PRKCB: variants seen among roughly 807,000 people sequenced by gnomAD.
The protein encoded by PRKCB is protein kinase C beta.
Under a neutral mutation model 81.5 loss-of-function variants are expected in PRKCB, and 13 were observed. The ratio of observed to expected loss-of-function variants is 0.16; its 90% CI spans 0.10 to 0.25. The LOEUF is 0.25. PRKCB is among the 10% of genes least tolerant of loss of function. The pLI is 1.00. For missense variants in PRKCB, 509 were observed against 875.7 expected (o/e 0.58, Z 5.29); for synonymous variants, 335 against 321.4 (o/e 1.04, Z -0.45).
intron 2 of PRKCB, among the ~76,000 whole-genome samples, chr16:23,956,504 A>G (rs1678748706): frequency 6.6e-6 from 1 of 152,204 alleles, no homozygotes; most frequent in Non-Finnish European, 1.5e-5. Context: ...CTCTATAATG[A>G]ACAGTGCAAC....
At chr16:24,068,508 T>C (rs13336330) in intron 5 of PRKCB, among the ~76,000 whole-genome samples, 2,440 of 151,656 alleles carry the variant, frequency 0.016, 66 homozygotes, top group African/African-American at 0.055. Context: ...CACAGAATAT[T>C]GGACTTATCT....
At chr16:23,897,938 G>T (rs1244985373) in intron 2 of PRKCB, among the ~76,000 whole-genome samples, 1 of 151,678 alleles carries the variant, frequency 6.6e-6, no homozygotes, top group Non-Finnish European at 1.5e-5. Flanking sequence ...TTGCTCTGTT[G>T]TCCAGGCTGG....
At chr16:23,866,154 T>C (rs1027933488) in intron 2 of PRKCB, among the ~76,000 whole-genome samples, 2 of 152,234 alleles carry the variant, frequency 1.3e-5, no homozygotes, top group African/African-American at 4.8e-5. Context: ...TTTAGGTCTC[T>C]AGGTTACTAG....
chr16:23,885,799 G>A (rs886961389), intron 2 of PRKCB, among the ~76,000 whole-genome samples: 2 of 152,150 alleles, frequency 1.3e-5, no homozygotes, highest in Admixed American at 6.5e-5. Flanking sequence ...GGAAGCTGGC[G>A]GGGAAATATT....
rs1966411993 is a variant in PRKCB at position 24,094,256 on chromosome 16, C to T, written c.780C>T (p.Ser260=). 1 of 1,614,040 alleles carries T rather than the reference C, an allele frequency of 6.2e-7. No individual in the cohort carries two copies. The highest frequency in any genetic ancestry group is 1.7e-5 in the Admixed American group (1 of 59,998). Residue 260 remains serine (S), a synonymous_variant, in exon 7 of 17, where the codon TCC becomes TCT. Coordinates refer to ENST00000643927, the MANE Select transcript of PRKCB (RefSeq NM_002738.7). Reference sequence around the variant, plus strand: ...GGAATGACTTCATGGGATCTTTGTCCTTTGGGATTTCTGAACTTCAGAAAG... The same window carrying T: ...GGAATGACTTCATGGGATCTTTGTCTTTTGGGATTTCTGAACTTCAGAAAG... The part of the protein sequence containing the change: ...TSRNDFMGSL[S]FGISELQKAS...
At chr16:23,931,433 T>C (rs1175489479) in intron 2 of PRKCB, among the ~76,000 whole-genome samples, 1 of 152,168 alleles carries the variant, frequency 6.6e-6, no homozygotes, top group Non-Finnish European at 1.5e-5. Flanking sequence ...TGGAGTGAGC[T>C]GGAAGACAGG....
At chr16:23,861,223 C>T (rs900600653) in intron 2 of PRKCB, among the ~76,000 whole-genome samples, 1 of 151,696 alleles carries the variant, frequency 6.6e-6, no homozygotes, top group Non-Finnish European at 1.5e-5. Context: ...GGCTGGAGTG[C>T]AGTGGCACAA....
At chr16:24,052,942 G>T (rs1567358060) in intron 5 of PRKCB, among the ~76,000 whole-genome samples, 2 of 152,268 alleles carry the variant, frequency 1.3e-5, no homozygotes, top group South Asian at 2.1e-4. Flanking sequence ...GAGTCACTCT[G>T]GTTCAAACAT....
intron 2 of PRKCB, among the ~76,000 whole-genome samples, chr16:23,894,453 G>GAGT (rs1307440965): frequency 6.6e-6 from 1 of 152,136 alleles, no homozygotes; most frequent in African/African-American, 2.4e-5. Flanking sequence ...ACACCACCTA[G>GAGT]AGTACATGCA....
intron 5 of PRKCB, among the ~76,000 whole-genome samples, chr16:24,057,415 G>A (rs1158080938): frequency 6.6e-6 from 1 of 152,186 alleles, no homozygotes; most frequent in Non-Finnish European, 1.5e-5. Context: ...GGCTGTTAAT[G>A]CATAGCTTTC....
intron 2 of PRKCB, among the ~76,000 whole-genome samples, chr16:23,903,980 T>A (rs1963521152): frequency 6.6e-6 from 1 of 152,256 alleles, no homozygotes; most frequent in Non-Finnish European, 1.5e-5. Flanking sequence ...GTGGTCTTAT[T>A]AAATATGTGT....
chr16:24,007,784 A>G (rs997698240), intron 3 of PRKCB, among the ~76,000 whole-genome samples: 4 of 152,210 alleles, frequency 2.6e-5, no homozygotes, highest in Non-Finnish European at 5.9e-5. Context: ...TAATTTCTGG[A>G]GCCTGCAGGC....
At chr16:24,104,963 C>T (rs948385681) in intron 7 of PRKCB, among the ~76,000 whole-genome samples, 4 of 152,088 alleles carry the variant, frequency 2.6e-5, no homozygotes, top group African/African-American at 4.8e-5. Flanking sequence ...GTGGTGTGGT[C>T]GATCCCTTTT....
rs1330123797 is a variant in PRKCB, at chr16:24,000,313, A to G, written c.288+11723A>G. Among the ~76,000 whole-genome samples, 11 of 152,126 alleles carry G rather than the reference A, an allele frequency of 7.2e-5. No individual in the cohort carries two copies. In the East Asian group the frequency reaches 2.1e-3, roughly 29 times the overall value. On this transcript the variant is annotated intron_variant, in intron 3 of 16. Transcript: ENST00000643927. ...ATGGCCTCATCAAAAGAATGCACCT[A>G]ATTTATTCCCTGCCTCAATCGCCAG...
chr16:24,020,348 T>G (rs1034360481), intron 3 of PRKCB, among the ~76,000 whole-genome samples: 5 of 152,204 alleles, frequency 3.3e-5, no homozygotes, highest in African/African-American at 1.2e-4. Flanking sequence ...ATTATGTTGG[T>G]GCAAAAGTAA....
chr16:23,866,541 C>T (rs1413929906), intron 2 of PRKCB, among the ~76,000 whole-genome samples: 1 of 152,140 alleles, frequency 6.6e-6, no homozygotes, highest in Non-Finnish European at 1.5e-5. Context: ...TGTAGCATTC[C>T]AAAGTCTGAA....
intron 16 of PRKCB, among the ~76,000 whole-genome samples, chr16:24,202,612 C>G (rs1437384084): frequency 6.6e-6 from 1 of 152,226 alleles, no homozygotes; most frequent in Non-Finnish European, 1.5e-5. Context: ...ACACCCATTG[C>G]AACCAGGTTC....
chr16:23,984,328 C>T (rs1964774454), intron 2 of PRKCB, among the ~76,000 whole-genome samples: 1 of 152,156 alleles, frequency 6.6e-6, no homozygotes, highest in African/African-American at 2.4e-5. Flanking sequence ...AGAGAGGAAA[C>T]TGAAGTACAG....
At chr16:23,876,564 C>T (rs1339604337) in intron 2 of PRKCB, among the ~76,000 whole-genome samples, 1 of 137,540 alleles carries the variant, frequency 7.3e-6, no homozygotes, top group South Asian at 2.2e-4. Flanking sequence ...GCAGAAGCCA[C>T]GGTTTCTTTT....
Sources: allele counts gnomAD v4.1 joint callset (sites outside exome capture counted in the v4.1 genomes callset), GRCh38; gene constraint gnomAD v4.1.1; transcripts MANE v1.5; gene names NCBI Gene and HGNC (gene_info 2026-07-23, HGNC 2026-07-21).